The following RYK variants were observed in gnomAD, a reference collection of about 807,000 sequenced individuals.
RYK encodes the protein receptor like tyrosine kinase.
A neutral mutation model predicts 70.2 loss-of-function variants in RYK; 21 were observed. The observed-to-expected ratio is 0.30, with a 90% CI of 0.21 to 0.43. The LOEUF is 0.43. RYK is among the 20% of genes least tolerant of loss of function. RYK has a pLI of 1.00. For synonymous variants in RYK, 267 were observed against 278.0 expected (o/e 0.96, Z 0.39); for missense variants, 604 against 753.3 (o/e 0.80, Z 2.32).
intron 13 of RYK, among the ~76,000 whole-genome samples, chr3:134,174,435 G>T (rs2013027817): frequency 6.6e-6 from 1 of 152,150 alleles, no homozygotes; most frequent in Admixed American, 6.5e-5. Context: ...TACACACTTT[G>T]AAACAAAAGA....
intron 1 of RYK, among the ~76,000 whole-genome samples, chr3:134,247,756 G>T (rs937940903): frequency 6.0e-5 from 9 of 151,256 alleles, no homozygotes; most frequent in African/African-American, 1.9e-4. Context: ...TATATTAACT[G>T]GATTAAAACA....
At chr3:134,188,274 C>A (rs2013536504) in intron 9 of RYK, among the ~76,000 whole-genome samples, 1 of 151,512 alleles carries the variant, frequency 6.6e-6, no homozygotes, top group Non-Finnish European at 1.5e-5. Context: ...AATTCTCACA[C>A]CTCAGCCTTC....
chr3:134,187,267 C>CA (rs2013495151), intron 9 of RYK, among the ~76,000 whole-genome samples: 5 of 152,176 alleles, frequency 3.3e-5, no homozygotes, highest in African/African-American at 1.2e-4. Flanking sequence ...TTTTTACAAC[C>CA]AATAAACATA....
At chr3:134,211,426 C>A in intron 3 of RYK, 82 bp downstream of exon 3, 2 of 851,972 alleles carry the variant, frequency 2.3e-6, no homozygotes, top group Non-Finnish European at 3.8e-6. Context: ...ACACACTACA[C>A]ATCAGTAAAC....
At chr3:134,228,113 G>C (rs1345557019) in intron 1 of RYK, among the ~76,000 whole-genome samples, 1 of 152,212 alleles carries the variant, frequency 6.6e-6, no homozygotes, top group Non-Finnish European at 1.5e-5. Context: ...ACATTAGCAA[G>C]ACACTATCTC....
intron 13 of RYK, among the ~76,000 whole-genome samples, chr3:134,168,946 A>T (rs2012793802): frequency 6.6e-6 from 1 of 152,166 alleles, no homozygotes; most frequent in Admixed American, 6.5e-5. Context: ...CTGGGCAAAC[A>T]GGGAGTTAAA....
intron 6 of RYK, among the ~76,000 whole-genome samples, chr3:134,200,803 C>A (rs1033165824): frequency 6.6e-6 from 1 of 152,192 alleles, no homozygotes; most frequent in Non-Finnish European, 1.5e-5. Context: ...AGAGTCCGTA[C>A]TCTTGACCAC....
At chr3:134,207,078 A>G (rs917545937) in intron 5 of RYK, among the ~76,000 whole-genome samples, 6 of 152,166 alleles carry the variant, frequency 3.9e-5, no homozygotes, top group Non-Finnish European at 4.4e-5. Context: ...AAGTAACATA[A>G]TATCTTTAAG....
At chr3:134,227,794 C>T (rs1216940890) in intron 1 of RYK, among the ~76,000 whole-genome samples, 1 of 152,098 alleles carries the variant, frequency 6.6e-6, no homozygotes, top group Non-Finnish European at 1.5e-5. Flanking sequence ...CTCAGCCTCC[C>T]AAGTAGCTGG....
At chr3:134,240,601 C>CA (rs1389417954) in intron 1 of RYK, among the ~76,000 whole-genome samples, 1 of 152,028 alleles carries the variant, frequency 6.6e-6, no homozygotes, top group East Asian at 1.9e-4. Context: ...TGCAAATTTT[C>CA]AAAAAAATTC....
Position 134,157,862 on chromosome 3 carries a change from T to C in RYK, c.*291A>G, listed in dbSNP as rs1302166080. 1 of 248,484 alleles carries C rather than the reference T, an allele frequency of 4.0e-6. No homozygotes were observed. The highest frequency in any genetic ancestry group is 2.2e-5 in the African/African-American group (1 of 45,070). The allele number at this position is 248,484 out of a possible 1,614,324, so 15.4% of individuals were successfully genotyped here. ...TAAACAATTTTAAAAACTGTTTATT[T>C]ATTTTGTAAGAATGTACCCCTAGTC... is the stretch of plus-strand genomic sequence containing the variant. On this transcript the variant is annotated 3_prime_UTR_variant, in exon 15 of 15. Transcript: ENST00000623711.
chr3:134,200,899 TG>T (rs1270355399), intron 6 of RYK, among the ~76,000 whole-genome samples: 2 of 152,202 alleles, frequency 1.3e-5, no homozygotes, highest in African/African-American at 4.8e-5. Context: ...TAAAGAGAAC[TG>T]GAACACCAAT....
chr3:134,199,179 T>G (rs1405543422), intron 6 of RYK, among the ~76,000 whole-genome samples: 1 of 152,260 alleles, frequency 6.6e-6, no homozygotes, highest in Non-Finnish European at 1.5e-5. Context: ...GAGCTCCAAC[T>G]GCCCTGGCAT....
At chr3:134,185,508 G>A (rs750233306) in intron 9 of RYK, among the ~76,000 whole-genome samples, 1 of 152,134 alleles carries the variant, frequency 6.6e-6, no homozygotes, top group African/African-American at 2.4e-5. Context: ...AAAAAGCCAA[G>A]GATCTGAAAC....
intron 13 of RYK, among the ~76,000 whole-genome samples, chr3:134,166,231 A>G (rs2012661591): frequency 6.6e-6 from 1 of 152,186 alleles, no homozygotes; most frequent in African/African-American, 2.4e-5. Context: ...TACTCTTATA[A>G]AAGAGACCAC....
intron 10 of RYK, 196 bp from the exon 11 acceptor site, chr3:134,178,269 C>T: frequency 2.2e-6 from 1 of 454,602 alleles, no homozygotes; most frequent in Non-Finnish European, 3.8e-6. Flanking sequence ...GCATATATCC[C>T]CATATATGCA....
chr3:134,159,561 C>T (rs2012381384), intron 13 of RYK, among the ~76,000 whole-genome samples, 188 bp from the exon 14 acceptor site: 1 of 152,156 alleles, frequency 6.6e-6, no homozygotes, highest in South Asian at 2.1e-4. Flanking sequence ...AGAGTGCATC[C>T]AATATTAGTA....
chr3:134,173,422 G>A (rs2012989062), intron 13 of RYK, among the ~76,000 whole-genome samples: 1 of 152,156 alleles, frequency 6.6e-6, no homozygotes, highest in South Asian at 2.1e-4. Flanking sequence ...AAATACCCAA[G>A]ACTGAGTAAT....
At chr3:134,203,035 T>C (rs2014074736) in intron 5 of RYK, among the ~76,000 whole-genome samples, 161 bp from the exon 6 acceptor site, 1 of 152,180 alleles carries the variant, frequency 6.6e-6, no homozygotes. Flanking sequence ...TTTTTTGATG[T>C]TTTTGTTGTA....
Sources: gnomAD v4.1 joint callset for allele counts (sites outside exome capture counted in the v4.1 genomes callset) on GRCh38, gnomAD v4.1.1 for gene constraint, MANE v1.5 for transcripts, NCBI Gene and HGNC (gene_info 2026-07-23, HGNC 2026-07-21) for gene names.